CEP112: variants seen among roughly 807,000 people sequenced by gnomAD.
CEP112 encodes centrosomal protein of 112 kDa.
CEP112 carries 127 observed loss-of-function variants against 153.0 expected under a neutral mutation model. That is an observed-to-expected ratio of 0.83 (90% CI 0.72 to 0.96). CEP112 has a LOEUF of 0.96. CEP112 is among the 40% of genes least tolerant of loss of function. The pLI, the probability that CEP112 is intolerant of heterozygous loss-of-function variation, is 0.00. For synonymous variants in CEP112, 358 were observed against 374.4 expected, an observed-to-expected ratio of 0.96 and a Z score of 0.51; for missense variants, 1,089 against 1,101.2, an observed-to-expected ratio of 0.99 and a Z score of 0.16.
chr17:65,761,885 C>T (rs990019380), intron 21 of CEP112, among the ~76,000 whole-genome samples: 1 of 152,024 alleles, frequency 6.6e-6, no homozygotes, highest in African/African-American at 2.4e-5. Context: ...ATGAAGTAGT[C>T]CAAGATATCC....
chr17:65,827,155 C>A (rs1262518552), intron 21 of CEP112, among the ~76,000 whole-genome samples: 1 of 152,214 alleles, frequency 6.6e-6, no homozygotes, highest in Non-Finnish European at 1.5e-5. Flanking sequence ...CTCAGGTCTT[C>A]AGCCACAGAC....
chr17:65,911,268 G>GT (rs2060272950), intron 19 of CEP112, among the ~76,000 whole-genome samples: 1 of 152,190 alleles, frequency 6.6e-6, no homozygotes, highest in Non-Finnish European at 1.5e-5. Context: ...TTATATAACT[G>GT]TGAGAATTAT....
intron 16 of CEP112, among the ~76,000 whole-genome samples, chr17:66,009,743 T>C (rs1421221223): frequency 2.0e-5 from 3 of 152,204 alleles, no homozygotes; most frequent in African/African-American, 7.2e-5. Context: ...TGCTTTTTTG[T>C]GTTGACTTTG....
At chr17:65,706,583 A>C (rs2048925638) in intron 23 of CEP112, among the ~76,000 whole-genome samples, 1 of 152,208 alleles carries the variant, frequency 6.6e-6, no homozygotes, top group Non-Finnish European at 1.5e-5. Context: ...ACGTATTATC[A>C]GTTTTCCCAC....
intron 18 of CEP112, among the ~76,000 whole-genome samples, chr17:65,937,437 T>C (rs1345609418): frequency 4.7e-5 from 5 of 105,954 alleles, no homozygotes; most frequent in East Asian, 9.7e-4. Context: ...CCGCCCCGTC[T>C]GGGAGGTGAG....
chr17:65,738,276 G>T (rs1256209928), intron 23 of CEP112, among the ~76,000 whole-genome samples: 1 of 152,112 alleles, frequency 6.6e-6, no homozygotes, highest in Non-Finnish European at 1.5e-5. Context: ...CATAAACCCG[G>T]ACAGTGTGAA....
chr17:65,778,778 T>C (rs1256472764), intron 21 of CEP112, among the ~76,000 whole-genome samples: 1 of 152,190 alleles, frequency 6.6e-6, no homozygotes, highest in Non-Finnish European at 1.5e-5. Flanking sequence ...TTTTGTTATT[T>C]CTTCTAAGTG....
intron 20 of CEP112, among the ~76,000 whole-genome samples, chr17:65,893,330 T>G (rs1251977855): frequency 2.6e-5 from 4 of 152,134 alleles, no homozygotes; most frequent in Admixed American, 2.0e-4. Context: ...TGACTAATAC[T>G]TGACTTCATA....
At chr17:66,091,461 T>G (rs573317945) in intron 8 of CEP112, among the ~76,000 whole-genome samples, 1 of 151,878 alleles carries the variant, frequency 6.6e-6, no homozygotes, top group Non-Finnish European at 1.5e-5. Context: ...AAGAAGAAAT[T>G]AAAAGAGAAA....
chr17:65,777,376 T>A (rs1425234525), intron 21 of CEP112, among the ~76,000 whole-genome samples: 1 of 152,216 alleles, frequency 6.6e-6, no homozygotes, highest in Non-Finnish European at 1.5e-5. Context: ...CTAATCATAA[T>A]GAATACACCC....
At chr17:66,090,175 T>C (rs1460702809) in intron 8 of CEP112, among the ~76,000 whole-genome samples, 1 of 152,006 alleles carries the variant, frequency 6.6e-6, no homozygotes, top group Non-Finnish European at 1.5e-5. Flanking sequence ...CTTACAAAAA[T>C]GCTCAAGTGA....
At chr17:65,649,541 A>C (rs1310799149) in intron 24 of CEP112, among the ~76,000 whole-genome samples, 1 of 151,438 alleles carries the variant, frequency 6.6e-6, no homozygotes, top group Non-Finnish European at 1.5e-5. Context: ...ACATAATGAG[A>C]CCTCATTTCT....
chr17:66,191,405 C>T lies in CEP112; in HGVS notation c.-9+592G>A, dbSNP rs2073158056. ...AAAAGCTGTTCACATTTACTTATGT[C>T]GTTCTCTTGAACACTTAAAAATAAT... On this transcript the variant is annotated intron_variant, in intron 1 of 26. Coordinates refer to ENST00000535342, the MANE Select transcript of CEP112 (RefSeq NM_001199165.4). The surrounding 1 kb of genome is among the most constrained non-coding windows in gnomAD (Gnocchi z 4.2). 6.6e-6 allele frequency among the ~76,000 whole-genome samples: 1 copy of T among 152,228 alleles called. No homozygotes were observed. Among genetic ancestry groups the T allele is most frequent in the African/African-American group, 2.4e-5 (1 of 41,466 alleles).
At chr17:65,671,439 A>C (rs915893610) in intron 24 of CEP112, among the ~76,000 whole-genome samples, 1 of 152,212 alleles carries the variant, frequency 6.6e-6, no homozygotes, top group Non-Finnish European at 1.5e-5. Flanking sequence ...GACAAGAAGA[A>C]TGGTGTTTCT....
chr17:66,002,850 A>G (rs932047862), intron 17 of CEP112, among the ~76,000 whole-genome samples: 2 of 152,218 alleles, frequency 1.3e-5, no homozygotes, highest in African/African-American at 4.8e-5. Flanking sequence ...AAATAACACT[A>G]CATTCTAAAA....
chr17:65,637,410 C>A (rs752642835), intron 25 of CEP112, among the ~76,000 whole-genome samples: 2 of 152,198 alleles, frequency 1.3e-5, no homozygotes, highest in Non-Finnish European at 2.9e-5. Context: ...CATTGCAGAG[C>A]CATTTTGATC....
intron 12 of CEP112, among the ~76,000 whole-genome samples, chr17:66,042,673 A>G (rs1011535243): frequency 1.3e-5 from 2 of 152,212 alleles, no homozygotes; most frequent in African/African-American, 2.4e-5. Flanking sequence ...AAAACGAAGG[A>G]AATCTGAATA....
intron 4 of CEP112, among the ~76,000 whole-genome samples, chr17:66,154,778 A>G (rs1323526268): frequency 6.6e-6 from 1 of 152,168 alleles, no homozygotes; most frequent in Non-Finnish European, 1.5e-5. Flanking sequence ...ACAAAACTAT[A>G]TTAAAATTAA....
chr17:66,124,516 C>G (rs2069752179), intron 6 of CEP112, among the ~76,000 whole-genome samples: 1 of 152,032 alleles, frequency 6.6e-6, no homozygotes, highest in Non-Finnish European at 1.5e-5. Context: ...GCCCTTATAC[C>G]ACAATAGCAT....
Sources: gnomAD v4.1 joint callset for allele counts (sites outside exome capture counted in the v4.1 genomes callset) on GRCh38, gnomAD v4.1.1 for gene constraint, Gnocchi (gnomAD v3.1) non-coding constraint, MANE v1.5 for transcripts, NCBI Gene and HGNC (gene_info 2026-07-23, HGNC 2026-07-21) for gene names.